Variants in STAT3 observed in about 807,000 individuals in gnomAD.
STAT3 encodes the protein DNA-binding protein APRF.
A neutral mutation model predicts 114.3 loss-of-function variants in STAT3; 7 were observed. The ratio of observed to expected loss-of-function variants is 0.06; its 90% CI spans 0.03 to 0.11. The LOEUF is 0.11. STAT3 is among the 10% of genes least tolerant of loss of function. The pLI, the probability that STAT3 is intolerant of heterozygous loss-of-function variation, is 1.00. For synonymous variants in STAT3, 331 were observed against 354.5 expected (o/e 0.93, Z 0.74); for missense variants, 364 against 960.9 (o/e 0.38, Z 8.21).
intron 20 of STAT3, 115 bp from the exon 21 acceptor site, chr17:42,322,609 G>A: frequency 8.6e-7 from 1 of 1,159,654 alleles, no homozygotes; most frequent in Non-Finnish European, 1.3e-6. Context: ...CCCTAGTGTT[G>A]AGACCCTGAA....
chr17:42,335,304 T>C (rs2082186241), intron 8 of STAT3, among the ~76,000 whole-genome samples: 1 of 152,120 alleles, frequency 6.6e-6, no homozygotes, highest in South Asian at 2.1e-4. Context: ...GTTTAGTTTT[T>C]TGAGATGGAG....
chr17:42,330,671 C>A (rs910247732), intron 11 of STAT3, among the ~76,000 whole-genome samples: 1 of 147,104 alleles, frequency 6.8e-6, no homozygotes, highest in Admixed American at 6.8e-5. Flanking sequence ...CCTCGTGATC[C>A]GCCCGCCTCG....
intron 1 of STAT3, among the ~76,000 whole-genome samples, chr17:42,381,129 C>G (rs953888378): frequency 1.6e-4 from 24 of 152,094 alleles, no homozygotes; most frequent in Non-Finnish European, 2.8e-4. Flanking sequence ...GGATTAAAGC[C>G]CAATAGGTCT....
At chr17:42,381,259 G>T (rs2084776907) in intron 1 of STAT3, among the ~76,000 whole-genome samples, 1 of 152,186 alleles carries the variant, frequency 6.6e-6, no homozygotes, top group African/African-American at 2.4e-5. Flanking sequence ...CAAAATATAA[G>T]TTCTTTGGCT....
At chr17:42,363,077 CAT>C (rs1400076470) in intron 1 of STAT3, among the ~76,000 whole-genome samples, 1 of 152,206 alleles carries the variant, frequency 6.6e-6, no homozygotes, top group Non-Finnish European at 1.5e-5. Flanking sequence ...TGGCATCCAG[CAT>C]AGTGTCTGGC....
At chr17:42,317,019 A>G in intron 22 of STAT3, 118 bp from the exon 23 acceptor site, 3 of 1,557,342 alleles carry the variant, frequency 1.9e-6, no homozygotes, top group Non-Finnish European at 2.6e-6. Flanking sequence ...CCAACAGAAA[A>G]ATAAAAGCTC....
At chr17:42,357,597 G>A (rs866813483) in intron 1 of STAT3, among the ~76,000 whole-genome samples, 25 of 152,042 alleles carry the variant, frequency 1.6e-4, no homozygotes, top group African/African-American at 5.6e-4. Flanking sequence ...ACTTGAACCC[G>A]CGAGGCAGAG....
intron 21 of STAT3, among the ~76,000 whole-genome samples, chr17:42,319,941 C>G (rs2144652906): frequency 6.6e-6 from 1 of 152,288 alleles, no homozygotes; most frequent in East Asian, 1.9e-4. Context: ...GAGTGCCTGG[C>G]CCCTGAGGAA....
At position 42,313,744 on chromosome 17, in the gene STAT3, C is replaced by A. The variant is rs150467429; in HGVS notation, c.*2001G>T. On this transcript the variant is annotated 3_prime_UTR_variant, in exon 24 of 24. Transcript: ENST00000264657. ...GCCCTAGGTCCCTATGATTTAAACC[C>A]AATGGTAAGCCCAAGTCTCACCTTT... 16 of 232,972 alleles carry A rather than the reference C, an allele frequency of 6.9e-5. 1 individual carries two copies. The highest frequency in any genetic ancestry group is 2.6e-4 in the African/African-American group (12 of 45,416). The allele number at this position is 232,972 out of a possible 1,614,324, so 14.4% of individuals were successfully genotyped here. A position where few individuals can be genotyped will look rare whatever the true frequency, so the allele number is the denominator to read the frequency against.
At chr17:42,365,527 T>C (rs1382008951) in intron 1 of STAT3, among the ~76,000 whole-genome samples, 1 of 152,096 alleles carries the variant, frequency 6.6e-6, no homozygotes, top group African/African-American at 2.4e-5. Flanking sequence ...ATTCGGCAAC[T>C]AGAACAACAT....
At chr17:42,361,912 G>T (rs12603457) in intron 1 of STAT3, among the ~76,000 whole-genome samples, 8 of 152,166 alleles carry the variant, frequency 5.3e-5, no homozygotes, top group Non-Finnish European at 8.8e-5. Flanking sequence ...GCCCAATTTA[G>T]GTAGCAGCAT....
In STAT3 at chr17:42,323,088, G is replaced by C. The variant is rs2144693049; in HGVS notation, c.1804C>G (p.Pro602Ala). 2 of 1,614,168 alleles carry C rather than the reference G, an allele frequency of 1.2e-6. No individual in the cohort carries two copies. The highest frequency in any genetic ancestry group is 1.7e-6 in the Non-Finnish European group (2 of 1,180,016). Residue 602 changes from proline (P) to alanine (A), a missense_variant, in exon 20 of 24, where the codon CCT becomes GCT. Physicochemically the swap from Pro to Ala is conservative, Grantham distance 27. This residue lies in a region of STAT3 where 294 missense variants were observed against 745.1 expected (regional missense o/e 0.39). Coordinates refer to ENST00000264657, the MANE Select transcript of STAT3 (RefSeq NM_139276.3). ...AATCTTAGCAGGAAGGTGCCTGGAG[G>C]CTTAGTGCTCAAGATGGCCCGCTCC... is the stretch of plus-strand genomic sequence containing the variant. Reference protein sequence around the residue: ...ERERAILSTKPPGTFLLRFSE... With the variant: ...ERERAILSTKAPGTFLLRFSE...
chr17:42,369,342 A>G (rs369397550), intron 1 of STAT3, among the ~76,000 whole-genome samples: 1 of 152,244 alleles, frequency 6.6e-6, no homozygotes, highest in South Asian at 2.1e-4. Flanking sequence ...TGGGCAATAG[A>G]GCAAGACTCC....
At chr17:42,345,006 C>T (rs1212335045) in intron 4 of STAT3, among the ~76,000 whole-genome samples, 1 of 151,902 alleles carries the variant, frequency 6.6e-6, no homozygotes, top group Non-Finnish European at 1.5e-5. Flanking sequence ...TGGCTCACGC[C>T]TGTAATCCCA....
At chr17:42,374,611 A>AC (rs2084352933) in intron 1 of STAT3, among the ~76,000 whole-genome samples, 1 of 2,878 alleles carries the variant, frequency 3.5e-4, no homozygotes, top group Admixed American at 0.013. Context: ...ACTCCATCTC[A>AC]AAAAAAAAAA....
intron 21 of STAT3, among the ~76,000 whole-genome samples, chr17:42,317,728 T>C (rs987969241): frequency 2.6e-5 from 4 of 152,196 alleles, no homozygotes; most frequent in African/African-American, 9.6e-5. Flanking sequence ...AGCCAAAGGT[T>C]ATATCTCTTA....
chr17:42,356,513 T>TTG (rs139622440), intron 1 of STAT3, among the ~76,000 whole-genome samples: 5 of 148,432 alleles, frequency 3.4e-5, no homozygotes, highest in African/African-American at 7.5e-5. Context: ...CAGAATGTGT[T>TTG]TGTGTGTGTG....
chr17:42,355,146 ATTTTGGTTTTTCAAATTAC>A (rs767524726), intron 1 of STAT3, among the ~76,000 whole-genome samples: 2 of 152,146 alleles, frequency 1.3e-5, no homozygotes, highest in Non-Finnish European at 2.9e-5. Flanking sequence ...CACAATTTCA[ATTTTGGTTTTTCAAATTAC>A]AAGTTAATCT....
rs2081511746 is a variant in STAT3, at chr17:42,322,179, A to T, written c.2101+103T>A. 1.1e-5 allele frequency: 12 copies of T among 1,084,420 alleles called. No homozygotes were observed. The South Asian group carries it at 1.6e-4, about 14-fold the overall frequency. The allele number at this position is 1,084,420 out of a possible 1,614,324, so 67.2% of individuals were successfully genotyped here. A position where few individuals can be genotyped will look rare whatever the true frequency, so the allele number is the denominator to read the frequency against. On this transcript the variant is annotated intron_variant, in intron 21 of 23. Transcript: ENST00000264657. ...TTCTTTCCCATAAGGAGAAATAATT[A>T]TCCCCCAGGTTATTCAGGCATTTGC...
Sources: gnomAD v4.1 joint callset for allele counts (sites outside exome capture counted in the v4.1 genomes callset) on GRCh38, gnomAD v4.1.1 for gene constraint, gnomAD v4.1.1 regional missense constraint, MANE v1.5 for transcripts, NCBI Gene and HGNC (gene_info 2026-07-23, HGNC 2026-07-21) for gene names.